Variants in CPEB3 observed in about 807,000 individuals in gnomAD.
The protein encoded by CPEB3 is cytoplasmic polyadenylation element-binding protein 3.
A neutral mutation model predicts 67.2 loss-of-function variants in CPEB3; 20 were observed. The ratio of observed to expected loss-of-function variants is 0.30; its 90% CI spans 0.21 to 0.43. The LOEUF is 0.43. Ranked by LOEUF, CPEB3 falls within the 20% of genes least tolerant of loss-of-function variation. The pLI, the probability that CPEB3 is intolerant of heterozygous loss-of-function variation, is 1.00. For missense variants in CPEB3, 746 were observed against 968.6 expected (o/e 0.77, Z 3.05); for synonymous variants, 376 against 393.1 (o/e 0.96, Z 0.51).
intron 1 of CPEB3, among the ~76,000 whole-genome samples, chr10:92,259,807 T>A (rs753300780): frequency 3.9e-5 from 6 of 152,172 alleles, no homozygotes; most frequent in Non-Finnish European, 5.9e-5. Flanking sequence ...GCAGCTAACG[T>A]TTATGTGGCA....
chr10:92,150,935 G>A (rs1271652887), intron 4 of CPEB3, among the ~76,000 whole-genome samples: 1 of 152,148 alleles, frequency 6.6e-6, no homozygotes, highest in East Asian at 1.9e-4. Context: ...CTCAAATGCT[G>A]CAAGTTGGCC....
intron 8 of CPEB3, among the ~76,000 whole-genome samples, chr10:92,084,305 G>A (rs1481763777): frequency 1.3e-5 from 2 of 152,018 alleles, no homozygotes; most frequent in Admixed American, 1.3e-4. Flanking sequence ...TGGCAGTTAA[G>A]TACTTTTGAT....
intron 7 of CPEB3, among the ~76,000 whole-genome samples, chr10:92,093,622 C>T (rs1451459871): frequency 6.6e-6 from 1 of 151,766 alleles, no homozygotes; most frequent in East Asian, 1.9e-4. Context: ...CTTGCCTTGG[C>T]CTCCCAAGTA....
chr10:92,145,588 T>G (rs1215582225), intron 4 of CPEB3, among the ~76,000 whole-genome samples: 1 of 149,604 alleles, frequency 6.7e-6, no homozygotes, highest in Non-Finnish European at 1.5e-5. Context: ...TGAGCCAAGA[T>G]CGTGCCATTG....
chr10:92,282,908 C>G (rs1842358296), intron 1 of CPEB3, among the ~76,000 whole-genome samples: 1 of 152,156 alleles, frequency 6.6e-6, no homozygotes, highest in African/African-American at 2.4e-5. Context: ...CTAGCCGAGG[C>G]TTAACTTATT....
intron 4 of CPEB3, among the ~76,000 whole-genome samples, chr10:92,162,523 T>C (rs1847536998): frequency 6.6e-6 from 1 of 152,218 alleles, no homozygotes; most frequent in South Asian, 2.1e-4. Flanking sequence ...AATATTTTTG[T>C]AGCTTTTAAA....
rs188784650 is a variant in CPEB3 at position 92,098,693 on chromosome 10, T to A, written c.1573-6749A>T. 2.2e-4 allele frequency among the ~76,000 whole-genome samples: 33 copies of A among 152,268 alleles called. 1 individual carries two copies. In the South Asian group the frequency reaches 2.9e-3, roughly 13 times the overall value. The stretch of plus-strand genomic sequence containing the variant: ...CTAAACTGAAACATTAGATAGCTGT[T>A]CAAAGAACTGAAAGTTTTCTGGCTA... On this transcript the variant is annotated intron_variant, in intron 7 of 9. Transcript: ENST00000265997.
chr10:92,121,161 A>AC (rs1229956336), intron 6 of CPEB3, among the ~76,000 whole-genome samples: 1 of 151,618 alleles, frequency 6.6e-6, no homozygotes, highest in Non-Finnish European at 1.5e-5. Context: ...GGCACGTGCC[A>AC]CCACACCCAG....
intron 9 of CPEB3, among the ~76,000 whole-genome samples, chr10:92,078,616 G>A (rs1843023713): frequency 6.6e-6 from 1 of 152,142 alleles, no homozygotes; most frequent in African/African-American, 2.4e-5. Context: ...ACTACTCTGA[G>A]ATATAAACAG....
Position 92,239,576 on chromosome 10 carries a change from A to C in CPEB3, c.775T>G (p.Trp259Gly), listed in dbSNP as rs765296660. 5 of 1,555,258 alleles carry C rather than the reference A, an allele frequency of 3.2e-6. No individual in the cohort carries two copies. The South Asian group carries it at 5.9e-5, about 18-fold the overall frequency. ...NAAWSAPSNP[W>G]GGLQAGRDPR... ...TCCCGGCCCGCCTGCAGGCCGCCCC[A>C]GGGGTTGGACGGTGCGCTCCAGGCT... The change falls in exon 2 of 10, where the codon TGG becomes GGG. Residue 259 changes from tryptophan (W) to glycine (G), a missense_variant. Physicochemically the swap from Trp to Gly is radical, Grantham distance 184. Transcript: ENST00000265997. This position sits in a 1 kb window ranked among gnomAD's most constrained non-coding sequence, Gnocchi z 6.0.
rs1422508875 is a variant in CPEB3, at chr10:92,049,310, C to T, written c.*2902G>A. The T allele has an allele frequency of 6.6e-6, 1 of 152,012 alleles. No individual in the cohort carries two copies. The highest frequency in any genetic ancestry group is 2.4e-5 in the African/African-American group (1 of 41,222). 9.4% of individuals were successfully genotyped at this position (152,012 alleles called of 1,614,324 possible). ...TAGGTTATAGCCTTCAAAAAATCGA[C>T]TAGTTCAAGTGTCACACCAAGGAAA... On this transcript the variant is annotated 3_prime_UTR_variant, in exon 10 of 10. Transcript: ENST00000265997.
rs555443897 is a variant in CPEB3, at chr10:92,158,568, A to C, written c.1223-13483T>G. Among the ~76,000 whole-genome samples the C allele has an allele frequency of 1.7e-4, 26 of 152,328 alleles. No individual in the cohort carries two copies. In the South Asian group the frequency reaches 5.2e-3, roughly 30 times the overall value. On this transcript the variant is annotated intron_variant, in intron 4 of 9. Coordinates refer to ENST00000265997, the MANE Select transcript of CPEB3 (RefSeq NM_014912.5). ...TAGATTCCCCTGAAAAATGTATAGA[A>C]ATTTTATATACAACTAGCTGTTACT...
chr10:92,139,104 C>G (rs1407352602), intron 6 of CPEB3, among the ~76,000 whole-genome samples: 1 of 151,826 alleles, frequency 6.6e-6, no homozygotes, highest in Non-Finnish European at 1.5e-5. Context: ...ATGAAGAAAC[C>G]CCATCTCTAC....
At chr10:92,085,940 G>T (rs536932146) in intron 8 of CPEB3, among the ~76,000 whole-genome samples, 7 of 152,022 alleles carry the variant, frequency 4.6e-5, no homozygotes, top group Non-Finnish European at 1.0e-4. Flanking sequence ...GATGTGAAAG[G>T]GTCTTTAGTT....
intron 2 of CPEB3, among the ~76,000 whole-genome samples, chr10:92,217,101 G>C (rs1316439452): frequency 6.8e-6 from 1 of 146,300 alleles, no homozygotes; most frequent in Non-Finnish European, 1.5e-5. Context: ...CGAGCTATTC[G>C]GGAGGCTGAG....
chr10:92,245,170 C>G (rs1852008136), intron 1 of CPEB3, among the ~76,000 whole-genome samples: 1 of 138,654 alleles, frequency 7.2e-6, no homozygotes, highest in South Asian at 2.4e-4. Flanking sequence ...CTGAGTCTCG[C>G]TCTGTCACCC....
At chr10:92,162,243 T>C (rs1254068333) in intron 4 of CPEB3, among the ~76,000 whole-genome samples, 2 of 152,138 alleles carry the variant, frequency 1.3e-5, no homozygotes, top group African/African-American at 4.8e-5. Flanking sequence ...AGAGTAGTGT[T>C]ACCCTTGGCT....
At chr10:92,110,692 C>T (rs2133479070) in intron 7 of CPEB3, among the ~76,000 whole-genome samples, 1 of 152,328 alleles carries the variant, frequency 6.6e-6, no homozygotes, top group South Asian at 2.1e-4. Context: ...TTCAGAGGCA[C>T]ATAAACATCA....
intron 4 of CPEB3, among the ~76,000 whole-genome samples, chr10:92,154,318 T>C (rs1192626595): frequency 6.6e-6 from 1 of 152,184 alleles, no homozygotes; most frequent in Non-Finnish European, 1.5e-5. Context: ...AAATTCAAAA[T>C]AGATATAAAT....
Sources: gnomAD v4.1 joint callset for allele counts (sites outside exome capture counted in the v4.1 genomes callset) on GRCh38, gnomAD v4.1.1 for gene constraint, Gnocchi (gnomAD v3.1) non-coding constraint, MANE v1.5 for transcripts, NCBI Gene and HGNC (gene_info 2026-07-23, HGNC 2026-07-21) for gene names.